Variants in PROCA1 observed in about 807,000 individuals in gnomAD.
PROCA1 encodes the protein protein PROCA1.
Under a neutral mutation model 23.2 loss-of-function variants are expected in PROCA1, and 22 were observed. That is an observed-to-expected ratio of 0.95 (90% CI 0.68 to 1.35). PROCA1 has a LOEUF of 1.35. Ranked by LOEUF, PROCA1 falls within the 40% of genes most tolerant of loss-of-function variation. The pLI is 0.00. For missense variants in PROCA1, 469 were observed against 459.8 expected (o/e 1.02, Z -0.18); for synonymous variants, 182 against 179.2 (o/e 1.02, Z -0.12).
At chr17:28,711,541 C>T in intron 1 of PROCA1, 29 bp downstream of exon 1, 1 of 1,575,326 alleles carries the variant, frequency 6.3e-7, no homozygotes, top group African/African-American at 1.4e-5. Flanking sequence ...GCCGCGCCCT[C>T]TGCCCAGCCC....
chr17:28,710,861 CAA>C, intron 1 of PROCA1: 1 of 1,303,902 alleles, frequency 7.7e-7, no homozygotes, highest in Non-Finnish European at 1.0e-6. Context: ...AGGCCTAACT[CAA>C]AACTCACAAG....
intron 1 of PROCA1, chr17:28,711,014 G>GAAGGAGTAGGGCGGGAAGGGAGGC: frequency 1.4e-6 from 1 of 697,730 alleles, no homozygotes; most frequent in South Asian, 1.6e-5. Context: ...GGAAGGGAGG[G>GAAGGAGTAGGGCGGGAAGGGAGGC]AAGAAACTAG....
At chr17:28,709,452 T>A (rs1038509205) in intron 1 of PROCA1, among the ~76,000 whole-genome samples, 1 of 151,990 alleles carries the variant, frequency 6.6e-6, no homozygotes, top group East Asian at 2.0e-4. Context: ...AGACGGGGTT[T>A]CACCGTGTTA....
Position 28,706,670 on chromosome 17 carries a change from C to G in PROCA1, c.175+10G>C. ...GAGGATCCCCTGGGTCAAAGGTCTC[C>G]TGGACCCACCTTCAGAGAAGGTAGA... On this transcript the variant is annotated intron_variant, in intron 2 of 4. Coordinates refer to ENST00000682792, the MANE Select transcript of PROCA1 (RefSeq NM_001366301.1). 3.1e-6 allele frequency: 4 copies of G among 1,302,972 alleles called. No homozygotes were observed. Among genetic ancestry groups the G allele is most frequent in the Non-Finnish European group, 4.0e-6 (4 of 988,226 alleles). 80.7% of individuals were successfully genotyped at this position (1,302,972 alleles called of 1,614,324 possible). A position where few individuals can be genotyped will look rare whatever the true frequency, so the allele number is the denominator to read the frequency against.
chr17:28,708,080 G>A (rs1479715455), intron 1 of PROCA1, among the ~76,000 whole-genome samples: 2 of 152,182 alleles, frequency 1.3e-5, no homozygotes, highest in Non-Finnish European at 2.9e-5. Context: ...TGGGATCTCG[G>A]CTTACTGCAC....
At chr17:28,708,372 C>T (rs2032622003) in intron 1 of PROCA1, among the ~76,000 whole-genome samples, 1 of 152,154 alleles carries the variant, frequency 6.6e-6, no homozygotes, top group African/African-American at 2.4e-5. Context: ...CCATGGCAGA[C>T]CTCATCTTTC....
At chr17:28,708,805 G>T (rs910350691) in intron 1 of PROCA1, among the ~76,000 whole-genome samples, 48 of 151,162 alleles carry the variant, frequency 3.2e-4, no homozygotes, top group Admixed American at 7.2e-4. Flanking sequence ...AGACCAGCCT[G>T]GGCAACATGG....
Position 28,703,936 on chromosome 17 carries a change from TTTC to T in PROCA1, c.714_716del (p.Lys240del). On this transcript the variant is annotated inframe_deletion, in exon 5 of 5. Coordinates refer to ENST00000682792, the MANE Select transcript of PROCA1 (RefSeq NM_001366301.1). ...CCTCCTTGTCTTTCTCTTTTTCCTT[TTTC>T]TTCTTTACCTTCTTGATCACCTTGC... is the stretch of plus-strand genomic sequence containing the variant. 6.2e-7 allele frequency: 1 copy of T among 1,613,282 alleles called. No individual in the cohort carries two copies. Among genetic ancestry groups the T allele is most frequent in the South Asian group, 1.1e-5 (1 of 91,006 alleles).
intron 1 of PROCA1, 98 bp downstream of exon 1, chr17:28,711,472 C>T (rs575780243): frequency 5.6e-5 from 57 of 1,021,562 alleles, no homozygotes; most frequent in Admixed American, 3.6e-4. Flanking sequence ...GTTGGTTTGC[C>T]CGTCTCCCTC....
intron 1 of PROCA1, chr17:28,710,917 G>A: frequency 7.7e-7 from 1 of 1,302,074 alleles, no homozygotes; most frequent in South Asian, 1.2e-5. Context: ...GCGGGGCCGA[G>A]GAGCTCTCCT....
In PROCA1 at chr17:28,711,700, G is replaced by T. The variant is rs1033544701; in HGVS notation, c.-40C>A. On this transcript the variant is annotated 5_prime_UTR_variant, in exon 1 of 5. Transcript: ENST00000682792. ...GTCTTCGTCTCTACAGGACTCTTGC[G>T]TGAAGTCCAACCCTGAGCCTCAGCC... 5.7e-6 allele frequency: 9 copies of T among 1,576,536 alleles called. No homozygotes were observed. The African/African-American group carries it at 1.1e-4, about 19-fold the overall frequency.
At position 28,703,636 on chromosome 17, in the gene PROCA1, CT is replaced by C; in HGVS notation, c.1016del (p.Lys339ArgfsTer12). The part of the protein sequence containing the change: ...RKRENTVQAK[K>X]TGAKPSQARK... Reference sequence around the variant, plus strand: ...TGGCTTGTGAGGGCTTTGCCCCTGTCTTTTTGGCCTGGACTGTGTTCTCTCT... The same window carrying C: ...TGGCTTGTGAGGGCTTTGCCCCTGTCTTTTGGCCTGGACTGTGTTCTCTCT... On this transcript the variant is annotated frameshift_variant, in exon 5 of 5. Transcript: ENST00000682792. LOFTEE classifies it high-confidence loss of function. The C allele has an allele frequency of 6.2e-7, 1 of 1,614,206 alleles. No individual in the cohort carries two copies. Among genetic ancestry groups the C allele is most frequent in the Non-Finnish European group, 8.5e-7 (1 of 1,180,040 alleles).
At position 28,703,954 on chromosome 17, in the gene PROCA1, G is replaced by C; in HGVS notation, c.699C>G (p.Ile233Met). The stretch of plus-strand genomic sequence containing the variant: ...TTTCCTTTTTCTTCTTTACCTTCTT[G>C]ATCACCTTGCTGCCCTGACCCTTCC... ...PTGKGQGSKV[I>M]KKVKKKKEKE... The change falls in exon 5 of 5, where the codon ATC becomes ATG. Residue 233 changes from isoleucine to methionine, a missense_variant. Coordinates refer to ENST00000682792, the MANE Select transcript of PROCA1 (RefSeq NM_001366301.1). The C allele has an allele frequency of 6.2e-7, 1 of 1,611,020 alleles. No homozygotes were observed. Among genetic ancestry groups the C allele is most frequent in the Non-Finnish European group, 8.5e-7 (1 of 1,178,858 alleles).
At position 28,703,597 on chromosome 17, in the gene PROCA1, CTT is replaced by C. The variant is rs780974508; in HGVS notation, c.1054_1055del (p.Lys352GlufsTer?). On this transcript the variant is annotated frameshift_variant, in exon 5 of 5. Coordinates refer to ENST00000682792, the MANE Select transcript of PROCA1 (RefSeq NM_001366301.1). LOFTEE classifies it high-confidence loss of function. ...GGTTTGATCCTGGGGGAGATTTTCT[CTT>C]GTTTACCTTCCTGGCTTGTGAGGGC... Reference protein sequence around the residue: ...AKPSQARKVNKRKSPPGSNPN... With the variant: ...AKPSQARKVNXRKSPPGSNPN... 151 of 1,614,060 alleles carry C rather than the reference CTT, an allele frequency of 9.4e-5. No individual in the cohort carries two copies. The highest frequency in any genetic ancestry group is 3.8e-5 in the Non-Finnish European group (45 of 1,180,040).
rs754841193 is a variant in PROCA1, at chr17:28,704,334, T to C, written c.413A>G (p.Glu138Gly). The change falls in exon 4 of 5, where the codon GAG (glutamate) becomes GGG (glycine). Residue 138 changes from glutamate to glycine, a missense_variant. By Grantham distance (98) the Glu-to-Gly change is moderately conservative. Coordinates refer to ENST00000682792, the MANE Select transcript of PROCA1 (RefSeq NM_001366301.1). ...GCCATACCGGAATCGCTCCACATGC[T>C]CCTCCTCCGGTGTGAGCTCAAAGCA... The part of the protein sequence containing the change: ...SPCFELTPEE[E>G]HVERFRYGWC... 1 of 1,613,930 alleles carries C rather than the reference T, an allele frequency of 6.2e-7. No homozygotes were observed. The highest frequency in any genetic ancestry group is 8.5e-7 in the Non-Finnish European group (1 of 1,179,914).
rs769218727 is a variant in PROCA1 at position 28,703,908 on chromosome 17, TCTC to T, written c.742_744del (p.Glu248del). On this transcript the variant is annotated inframe_deletion, in exon 5 of 5. Transcript: ENST00000682792. ...TTCTTCAGCTTTGCCTTCTCATCCA[TCTC>T]CTCCTTGTCTTTCTCTTTTTCCTTT... 5 of 1,613,882 alleles carry T rather than the reference TCTC, an allele frequency of 3.1e-6. No homozygotes were observed. The highest frequency in any genetic ancestry group is 2.2e-5 in the East Asian group (1 of 44,868).
rs918778724 is a variant in PROCA1 at position 28,709,781 on chromosome 17, G to A, written c.91+1789C>T. Among the ~76,000 whole-genome samples, 11 of 151,492 alleles carry A rather than the reference G, an allele frequency of 7.3e-5. No individual in the cohort carries two copies. The East Asian group carries it at 2.2e-3, about 30-fold the overall frequency. Reference sequence around the variant, plus strand: ...AGAGGCCGAGGTGGGCGGATCACTTGAGGTCCGGAGTTTGAGACCAGCATG... The same window carrying A: ...AGAGGCCGAGGTGGGCGGATCACTTAAGGTCCGGAGTTTGAGACCAGCATG... On this transcript the variant is annotated intron_variant, in intron 1 of 4. Coordinates refer to ENST00000682792, the MANE Select transcript of PROCA1 (RefSeq NM_001366301.1).
At position 28,703,484 on chromosome 17, in the gene PROCA1, G is replaced by A. The variant is rs1175438708; in HGVS notation, c.*74C>T. On this transcript the variant is annotated 3_prime_UTR_variant, in exon 5 of 5. Transcript: ENST00000682792. ...TTGCCCCGCAAGAAACAGCCAGGTT[G>A]GAGGGAGAGAACAGCAGCAGAGGGC... 6.8e-7 allele frequency: 1 copy of A among 1,469,018 alleles called. No individual in the cohort carries two copies. 91.0% of individuals were successfully genotyped at this position (1,469,018 alleles called of 1,614,324 possible).
chr17:28,708,657 C>T (rs532679277), intron 1 of PROCA1, among the ~76,000 whole-genome samples: 11 of 144,454 alleles, frequency 7.6e-5, no homozygotes, highest in South Asian at 2.4e-4. Context: ...AGGCAAGAGG[C>T]GGGAGGATAG....
Sources: allele counts gnomAD v4.1 joint callset (sites outside exome capture counted in the v4.1 genomes callset), GRCh38; gene constraint gnomAD v4.1.1; transcripts MANE v1.5; gene names NCBI Gene and HGNC (gene_info 2026-07-23, HGNC 2026-07-21).